The following PLXDC2 variants were observed in gnomAD, a reference collection of about 807,000 sequenced individuals.
PLXDC2 encodes plexin domain containing 2, also known as plexin domain-containing protein 2.
Under a neutral mutation model 68.9 loss-of-function variants are expected in PLXDC2, and 40 were observed. That is an observed-to-expected ratio of 0.58 (90% confidence interval 0.45 to 0.76). The LOEUF (loss-of-function observed/expected upper bound fraction) is 0.76. Among genes scored for constraint, PLXDC2 ranks in the 30% least tolerant of loss-of-function variants. The pLI is 0.00. For synonymous variants in PLXDC2, 243 were observed against 234.2 expected (o/e 1.04, Z -0.34); for missense variants, 644 against 661.9 (o/e 0.97, Z 0.30).
chr10:19,997,658 C>T (rs1834864338), intron 1 of PLXDC2, among the ~76,000 whole-genome samples: 1 of 152,100 alleles, frequency 6.6e-6, no homozygotes, highest in African/African-American at 2.4e-5. Flanking sequence ...CCAAGCAAAG[C>T]TTTCTTCTCT....
intron 4 of PLXDC2, among the ~76,000 whole-genome samples, chr10:20,114,547 G>A (rs1213574114): frequency 2.0e-5 from 3 of 152,220 alleles, no homozygotes; most frequent in Non-Finnish European, 2.9e-5. Flanking sequence ...AACTCAGTGT[G>A]AGAAGACCTG....
intron 7 of PLXDC2, among the ~76,000 whole-genome samples, chr10:20,171,367 A>G (rs1323002768): frequency 2.0e-5 from 3 of 152,166 alleles, no homozygotes. Flanking sequence ...ATTTTTCAGA[A>G]GATAAAATTG....
intron 13 of PLXDC2, among the ~76,000 whole-genome samples, chr10:20,275,985 G>A (rs746049474): frequency 2.6e-5 from 4 of 151,916 alleles, no homozygotes; most frequent in African/African-American, 4.8e-5. Flanking sequence ...CAATACTCTC[G>A]TTCATTTAGA....
intron 13 of PLXDC2, among the ~76,000 whole-genome samples, chr10:20,273,826 G>A (rs1372163699): frequency 2.0e-5 from 3 of 152,100 alleles, no homozygotes; most frequent in African/African-American, 7.2e-5. Context: ...AGACCAGTCT[G>A]GGCAATGTGG....
chr10:19,944,368 T>C (rs1833867116), intron 1 of PLXDC2, among the ~76,000 whole-genome samples: 1 of 151,902 alleles, frequency 6.6e-6, no homozygotes, highest in African/African-American at 2.4e-5. Context: ...ATATTTGGAA[T>C]GTATGTTTCC....
At chr10:20,000,535 T>C (rs1360026922) in intron 1 of PLXDC2, among the ~76,000 whole-genome samples, 3 of 152,308 alleles carry the variant, frequency 2.0e-5, no homozygotes, top group East Asian at 3.9e-4. Context: ...TTTTACTGTA[T>C]GCATCATGAC....
At chr10:20,258,595 C>T (rs964762830) in intron 13 of PLXDC2, among the ~76,000 whole-genome samples, 1 of 151,846 alleles carries the variant, frequency 6.6e-6, no homozygotes, top group African/African-American at 2.4e-5. Context: ...TTTTTCTTCT[C>T]ACTCGTTCTC....
At chr10:20,094,455 C>T (rs1003982161) in intron 4 of PLXDC2, among the ~76,000 whole-genome samples, 5 of 152,188 alleles carry the variant, frequency 3.3e-5, no homozygotes, top group Non-Finnish European at 5.9e-5. Context: ...TATAGCATTT[C>T]TCTCTGGAAT....
intron 1 of PLXDC2, among the ~76,000 whole-genome samples, chr10:19,934,878 C>A (rs1434812387): frequency 6.6e-6 from 1 of 151,254 alleles, no homozygotes; most frequent in Non-Finnish European, 1.5e-5. Context: ...TGAAACAGAC[C>A]CTTTCACTGG....
At chr10:20,174,955 A>G (rs1834506625) in intron 7 of PLXDC2, among the ~76,000 whole-genome samples, 3 of 152,092 alleles carry the variant, frequency 2.0e-5, no homozygotes, top group Non-Finnish European at 2.9e-5. Flanking sequence ...TCCCTGCTCT[A>G]TATTTTAGAG....
At chr10:20,183,503 C>T (rs1834635385) in intron 9 of PLXDC2, among the ~76,000 whole-genome samples, 1 of 151,930 alleles carries the variant, frequency 6.6e-6, no homozygotes, top group Non-Finnish European at 1.5e-5. Flanking sequence ...GAGGGAGAGA[C>T]ATGAGACTGT....
chr10:20,289,055 A>C lies in PLXDC2; in HGVS notation c.*9236A>C, dbSNP rs1209483340. 1 of 152,190 alleles carries C rather than the reference A, an allele frequency of 6.6e-6. No individual in the cohort carries two copies. Among genetic ancestry groups the C allele is most frequent in the East Asian group, 1.9e-4 (1 of 5,200 alleles). 9.4% of individuals were successfully genotyped at this position (152,190 alleles called of 1,614,324 possible). A position where few individuals can be genotyped will look rare whatever the true frequency, so the allele number is the denominator to read the frequency against. ...AATGAGCATTTTGTTTTAATTTCTT[A>C]AATACCTTGTCTTTCAACATACGTT... On this transcript the variant is annotated 3_prime_UTR_variant, in exon 14 of 14. Transcript: ENST00000377252.
intron 12 of PLXDC2, among the ~76,000 whole-genome samples, chr10:20,237,973 G>A (rs1835456510): frequency 6.6e-6 from 1 of 151,918 alleles, no homozygotes; most frequent in Non-Finnish European, 1.5e-5. Flanking sequence ...AGATTTAATA[G>A]TAGCTACAGA....
intron 1 of PLXDC2, among the ~76,000 whole-genome samples, chr10:19,882,136 A>T (rs1837738924): frequency 6.6e-6 from 1 of 152,230 alleles, no homozygotes; most frequent in African/African-American, 2.4e-5. Context: ...TAAATGATGG[A>T]ACTCCAGCTG....
chr10:20,035,468 G>T (rs1053474161), intron 2 of PLXDC2, among the ~76,000 whole-genome samples: 1 of 152,018 alleles, frequency 6.6e-6, no homozygotes, highest in African/African-American at 2.4e-5. Flanking sequence ...AGGTCGAGGA[G>T]GGTGGATCAC....
At chr10:20,002,123 G>C in intron 2 of PLXDC2, 137 bp downstream of exon 2, 2 of 853,014 alleles carry the variant, frequency 2.3e-6, no homozygotes, top group Non-Finnish European at 3.6e-6. Flanking sequence ...AATTTAATTC[G>C]TTAATAAATA....
At chr10:20,272,533 T>C (rs964900585) in intron 13 of PLXDC2, among the ~76,000 whole-genome samples, 4 of 152,132 alleles carry the variant, frequency 2.6e-5, no homozygotes, top group African/African-American at 9.7e-5. Flanking sequence ...ATAAATAAGA[T>C]CTGTGCAAGT....
chr10:20,204,746 T>A (rs371822047), intron 9 of PLXDC2, among the ~76,000 whole-genome samples: 4 of 152,158 alleles, frequency 2.6e-5, no homozygotes, highest in African/African-American at 9.6e-5. Context: ...TGTTTACACA[T>A]TTATCTGTGT....
At chr10:19,963,618 A>G (rs1834198000) in intron 1 of PLXDC2, among the ~76,000 whole-genome samples, 1 of 152,148 alleles carries the variant, frequency 6.6e-6, no homozygotes, top group Admixed American at 6.5e-5. Context: ...GTTCTCACTC[A>G]TAGGTGGGAA....
Sources: allele counts gnomAD v4.1 joint callset (sites outside exome capture counted in the v4.1 genomes callset), GRCh38; gene constraint gnomAD v4.1.1; transcripts MANE v1.5; gene names NCBI Gene and HGNC (gene_info 2026-07-23, HGNC 2026-07-21).